Variants in WAC observed in about 807,000 individuals in gnomAD.
WAC encodes WW domain-containing adapter protein with coiled-coil.
WAC carries 11 observed loss-of-function variants against 79.6 expected under a neutral mutation model. The ratio of observed to expected loss-of-function variants is 0.14; its 90% CI spans 0.09 to 0.23. The LOEUF is 0.23. Ranked by LOEUF, WAC falls within the 10% of genes least tolerant of loss-of-function variation. The probability of loss-of-function intolerance (pLI) is 1.00; values close to 1 mark genes in which losing one functional copy is unlikely to be tolerated. For missense variants in WAC, 728 were observed against 773.5 expected, an observed-to-expected ratio of 0.94 and a Z score of 0.70; for synonymous variants, 304 against 276.9, an observed-to-expected ratio of 1.10 and a Z score of -0.97.
rs934653438 is a variant in WAC at position 28,533,146 on chromosome 10, G to GCAGCGGCGGCAC, written c.-423_-412dup. The GCAGCGGCGGCAC allele has an allele frequency of 7.2e-5, 12 of 166,964 alleles. No homozygotes were observed. In the South Asian group the frequency reaches 7.9e-4, roughly 11 times the overall value. 10.3% of individuals were successfully genotyped at this position (166,964 alleles called of 1,614,324 possible). ...TTGCCCGGATGTAGTTGGTGGAGCG[G>GCAGCGGCGGCAC]CAGCGGCGGCACCAGCGGCGGCGGC... On this transcript the variant is annotated 5_prime_UTR_variant, in exon 1 of 14. Coordinates refer to ENST00000354911, the MANE Select transcript of WAC (RefSeq NM_016628.5).
chr10:28,540,747 T>C (rs1836964478), intron 3 of WAC, among the ~76,000 whole-genome samples: 1 of 152,208 alleles, frequency 6.6e-6, no homozygotes, highest in Non-Finnish European at 1.5e-5. Flanking sequence ...TGCTTTGTGA[T>C]AATACTATGC....
intron 3 of WAC, among the ~76,000 whole-genome samples, chr10:28,559,866 C>G (rs1838207765): frequency 6.6e-6 from 1 of 152,204 alleles, no homozygotes; most frequent in South Asian, 2.1e-4. Flanking sequence ...GTTCACATTC[C>G]TCAGATAGAT....
intron 7 of WAC, among the ~76,000 whole-genome samples, chr10:28,603,962 T>A (rs1316336081): frequency 2.8e-3 from 5 of 1,814 alleles, no homozygotes; most frequent in Admixed American, 9.6e-3. Context: ...TGTATGTATG[T>A]ATATATATAT....
rs374696218 is a variant in WAC, at chr10:28,533,824, C to T, written c.42-174C>T. The T allele has an allele frequency of 3.7e-5, 37 of 991,358 alleles. No individual in the cohort carries two copies. In the South Asian group the frequency reaches 6.0e-4, roughly 16 times the overall value. 61.4% of individuals were successfully genotyped at this position (991,358 alleles called of 1,614,324 possible). ...GGGGGCCCGGCTTCGCGGCATTTCG[C>T]CCTCTCCGGCCCTTCCGGAGGCTCC... On this transcript the variant is annotated intron_variant, in intron 1 of 13. Transcript: ENST00000354911.
At chr10:28,588,342 C>T (rs1464238565) in intron 4 of WAC, among the ~76,000 whole-genome samples, 1 of 152,146 alleles carries the variant, frequency 6.6e-6, no homozygotes, top group Non-Finnish European at 1.5e-5. Flanking sequence ...CGCAGGGCTG[C>T]TTTGCCACCC....
intron 3 of WAC, among the ~76,000 whole-genome samples, chr10:28,551,818 GTTTC>G (rs1021841540): frequency 2.4e-5 from 3 of 124,592 alleles, no homozygotes; most frequent in Non-Finnish European, 5.0e-5. Context: ...GTGTGTGTGT[GTTTC>G]TTTTTTTTTT....
intron 4 of WAC, among the ~76,000 whole-genome samples, chr10:28,584,001 GTTAT>G (rs1263529594): frequency 1.3e-5 from 2 of 152,168 alleles, no homozygotes; most frequent in East Asian, 1.9e-4. Context: ...AATGAAATAA[GTTAT>G]TTATTTTGAA....
At chr10:28,575,225 C>A (rs1465594262) in intron 3 of WAC, among the ~76,000 whole-genome samples, 2 of 152,070 alleles carry the variant, frequency 1.3e-5, no homozygotes, top group African/African-American at 4.8e-5. Context: ...AGCATAGTGC[C>A]CAACAGTTAG....
At chr10:28,550,416 T>C (rs1837602762) in intron 3 of WAC, among the ~76,000 whole-genome samples, 1 of 152,048 alleles carries the variant, frequency 6.6e-6, no homozygotes, top group African/African-American at 2.4e-5. Flanking sequence ...AAGGTCCCAC[T>C]TTATTTTATG....
rs1841702634 is a variant in WAC at position 28,621,801 on chromosome 10, CAAA to C, written c.*2199_*2201del. The stretch of plus-strand genomic sequence containing the variant: ...GTCTGTGTACCTATGTTTTGTTTTT[CAAA>C]AAAGTTTACATCCCTAAATGAATTA... On this transcript the variant is annotated 3_prime_UTR_variant, in exon 14 of 14. Transcript: ENST00000354911. The C allele has an allele frequency of 6.6e-6, 1 of 151,956 alleles. No homozygotes were observed. Among genetic ancestry groups the C allele is most frequent in the Non-Finnish European group, 1.5e-5 (1 of 67,982 alleles). The allele number at this position is 151,956 out of a possible 1,614,324, so 9.4% of individuals were successfully genotyped here.
At chr10:28,617,333 A>G (rs1841515895) in intron 12 of WAC, among the ~76,000 whole-genome samples, 2 of 152,252 alleles carry the variant, frequency 1.3e-5, no homozygotes, top group African/African-American at 4.8e-5. Flanking sequence ...CTGAACTTGC[A>G]GAAATGACAA....
chr10:28,585,821 A>G (rs1361694278), intron 4 of WAC, among the ~76,000 whole-genome samples: 5 of 152,150 alleles, frequency 3.3e-5, no homozygotes, highest in African/African-American at 9.7e-5. Context: ...CAAAACAAAC[A>G]CCTCATTCAG....
rs114910117 is a variant in WAC at position 28,564,620 on chromosome 10, T to C, written c.275-18779T>C. ...ATAGACATAAAGGTTATACTTGGGT[T>C]TAAACCTCACCTGTTTATATTTAGC... On this transcript the variant is annotated intron_variant, in intron 3 of 13. Transcript: ENST00000354911. Among the ~76,000 whole-genome samples, 419 of 152,352 alleles carry C rather than the reference T, an allele frequency of 2.8e-3. 2 individuals are homozygous for C. Among genetic ancestry groups the C allele is most frequent in the African/African-American group, 9.5e-3 (395 of 41,574 alleles).
rs111740298 is a variant in WAC at position 28,559,136 on chromosome 10, A to ATGTGTGTGTGTGTGTGTGTGTG, written c.274+23387_274+23408dup. Among the ~76,000 whole-genome samples the ATGTGTGTGTGTGTGTGTGTGTG allele has an allele frequency of 4.1e-3, 607 of 146,746 alleles. 2 individuals are homozygous for ATGTGTGTGTGTGTGTGTGTGTG. The highest frequency in any genetic ancestry group is 9.7e-3 in the Admixed American group (142 of 14,670). ...TAAATCTCTGCTCTCGAGAAACCTG[A>ATGTGTGTGTGTGTGTGTGTGTG]TGTGTGTGTGTGTGTGTGTGTGTGT... On this transcript the variant is annotated intron_variant, in intron 3 of 13. Transcript: ENST00000354911.
chr10:28,594,806 A>C (rs1397507491), intron 6 of WAC, among the ~76,000 whole-genome samples: 1 of 152,178 alleles, frequency 6.6e-6, no homozygotes, highest in Non-Finnish European at 1.5e-5. Context: ...CTTGGAGGTT[A>C]TTTTAATTCT....
chr10:28,619,512 T>A (rs1300515665), intron 13 of WAC, 25 bp from the exon 14 acceptor site: 1 of 1,549,074 alleles, frequency 6.5e-7, no homozygotes, highest in African/African-American at 1.4e-5. Context: ...GTACACAGGT[T>A]CTAATGTCTG....
intron 3 of WAC, among the ~76,000 whole-genome samples, chr10:28,574,561 GC>G (rs1198148306): frequency 6.6e-6 from 1 of 151,522 alleles, no homozygotes; most frequent in African/African-American, 2.4e-5. Context: ...TCCTGTGTCA[GC>G]CTCCTCAGTA....
At chr10:28,581,561 T>G (rs2532743) in intron 3 of WAC, among the ~76,000 whole-genome samples, 53,937 of 151,798 alleles carry the variant, frequency 0.36, 10,385 homozygotes, top group East Asian at 0.54. Flanking sequence ...TTTGTTTGTT[T>G]GTTTGTTTTT....
At chr10:28,586,533 A>G (rs1839829768) in intron 4 of WAC, among the ~76,000 whole-genome samples, 1 of 152,092 alleles carries the variant, frequency 6.6e-6, no homozygotes, top group Admixed American at 6.6e-5. Context: ...AAATAAAAAA[A>G]TAAATAGCTA....
Sources: allele counts gnomAD v4.1 joint callset (sites outside exome capture counted in the v4.1 genomes callset), GRCh38; gene constraint gnomAD v4.1.1; transcripts MANE v1.5; gene names NCBI Gene and HGNC (gene_info 2026-07-23, HGNC 2026-07-21).